CFAP97D2: variants seen among roughly 807,000 people sequenced by gnomAD.
CFAP97D2 encodes CFAP97 domain containing 2, also known as uncharacterized protein CFAP97D2.
At position 114,198,729 on chromosome 13, in the gene CFAP97D2, G is replaced by C. The variant is rs1465670244; in HGVS notation, c.172-1596G>C. On this transcript the variant is annotated intron_variant, in intron 2 of 4. Coordinates refer to ENST00000646158, the Ensembl canonical transcript of CFAP97D2. ...CGCTGAGGGGTGACGGCGCGTCCCCGTGTGTACAGTCCCCGCTGAGGGGTG... is the reference window on the plus strand; with the variant it reads ...CGCTGAGGGGTGACGGCGCGTCCCCCTGTGTACAGTCCCCGCTGAGGGGTG... Among the ~76,000 whole-genome samples, 12 of 75,680 alleles carry C rather than the reference G, an allele frequency of 1.6e-4. 3 individuals carry two copies. Among genetic ancestry groups the C allele is most frequent in the Non-Finnish European group, 6.8e-5 (3 of 43,800 alleles). The allele number at this position is 75,680 out of a possible 152,430, so 49.6% of individuals were successfully genotyped here.
chr13:114,179,347 G>A lies in CFAP97D2; in HGVS notation c.17G>A (p.Arg6Gln), dbSNP rs909950513. ...GTTGCTGAGATGCACGGAGCCCCCC[G>A]GCTGACCTTTCCCTGTGCCAGTGAG... The change falls in exon 1 of 5, where the codon CGG becomes CAG. Residue 6 changes from arginine to glutamine, a missense_variant. By Grantham distance (43) the Arg-to-Gln change is conservative. Coordinates refer to ENST00000646158, the Ensembl canonical transcript of CFAP97D2. The surrounding 1 kb of genome is among the most constrained non-coding windows in gnomAD (Gnocchi z 4.8). 6.5e-5 allele frequency: 26 copies of A among 398,686 alleles called. No homozygotes were observed. Among genetic ancestry groups the A allele is most frequent in the African/African-American group, 3.1e-4 (15 of 48,726 alleles). The allele number at this position is 398,686 out of a possible 1,614,324, so 24.7% of individuals were successfully genotyped here.
chr13:114,179,591 A>C lies in CFAP97D2; in HGVS notation c.90+171A>C, dbSNP rs1244616344. The stretch of plus-strand genomic sequence containing the variant: ...CATCATCTATGTTGCCATACAATAA[A>C]AATCTCATTAAATAGTTGACGGCTT... On this transcript the variant is annotated intron_variant, in intron 1 of 4. Transcript: ENST00000646158. This position sits in a 1 kb window ranked among gnomAD's most constrained non-coding sequence, Gnocchi z 4.8. Among the ~76,000 whole-genome samples the C allele has an allele frequency of 6.6e-6, 1 of 152,044 alleles. No homozygotes were observed. Among genetic ancestry groups the C allele is most frequent in the Non-Finnish European group, 1.5e-5 (1 of 68,014 alleles).
intron 3 of CFAP97D2, 148 bp downstream of exon 3, chr13:114,200,591 C>T (rs1280709714): frequency 1.0e-5 from 4 of 393,328 alleles, no homozygotes; most frequent in African/African-American, 2.1e-5. Context: ...CTGAGGAGTG[C>T]CCTTTTCCTT....
At chr13:114,196,347 C>T (rs192155945) in intron 1 of CFAP97D2, 49 bp from the exon 2 acceptor site, 1 of 399,394 alleles carries the variant, frequency 2.5e-6, no homozygotes, top group Non-Finnish European at 4.4e-6. Flanking sequence ...TCTGAGCTCA[C>T]TCTGTTTCCA....
rs1302849295 is a variant in CFAP97D2, at chr13:114,187,055, A to T, written c.90+7635A>T. On this transcript the variant is annotated intron_variant, in intron 1 of 4. Transcript: ENST00000646158. This position sits in a 1 kb window ranked among gnomAD's most constrained non-coding sequence, Gnocchi z 4.2. ...GGAACAGGAGAGAGGTATTCAGATT[A>T]TTTTGTAATATAAGTTACTCACACT... Among the ~76,000 whole-genome samples, 6 of 152,246 alleles carry T rather than the reference A, an allele frequency of 3.9e-5. No individual in the cohort carries two copies. In the East Asian group the frequency reaches 1.2e-3, roughly 29 times the overall value.
intron 4 of CFAP97D2, among the ~76,000 whole-genome samples, chr13:114,213,010 A>T (rs2080974985): frequency 6.6e-6 from 1 of 152,242 alleles, no homozygotes; most frequent in South Asian, 2.1e-4. Flanking sequence ...ATTTTATTCA[A>T]ATTGACAAAA....
chr13:114,180,649 C>G (rs563353819), intron 1 of CFAP97D2, among the ~76,000 whole-genome samples: 1 of 152,268 alleles, frequency 6.6e-6, no homozygotes, highest in African/African-American at 2.4e-5. Flanking sequence ...GTTCTCTGCA[C>G]GTAGAGTGTG....
At chr13:114,194,284 A>T (rs1326651485) in intron 1 of CFAP97D2, among the ~76,000 whole-genome samples, 1 of 152,192 alleles carries the variant, frequency 6.6e-6, no homozygotes, top group Non-Finnish European at 1.5e-5. Context: ...TCAAGATACC[A>T]CCTGTGGTTT....
chr13:114,207,509 C>T lies in CFAP97D2; in HGVS notation c.291-4403C>T, dbSNP rs905373849. On this transcript the variant is annotated intron_variant, in intron 3 of 4. Transcript: ENST00000646158. The surrounding 1 kb of genome is among the most constrained non-coding windows in gnomAD (Gnocchi z 4.9). ...TAAGGAACACGCAGCTTAGATCTCT[C>T]GAACGTGCAGTTCACAATAGGGTTC... Among the ~76,000 whole-genome samples the T allele has an allele frequency of 2.6e-5, 4 of 152,062 alleles. No individual in the cohort carries two copies. The highest frequency in any genetic ancestry group is 6.6e-5 in the Admixed American group (1 of 15,264).
rs2080945816 is a variant in CFAP97D2 at position 114,207,386 on chromosome 13, G to T, written c.291-4526G>T. ...TAATTATACAACTCAACATCATGTA[G>T]AATCAGTGGGAGCCCTGAGTTTGTT... is the stretch of plus-strand genomic sequence containing the variant. On this transcript the variant is annotated intron_variant, in intron 3 of 4. Coordinates refer to ENST00000646158, the Ensembl canonical transcript of CFAP97D2. The surrounding 1 kb of genome is among the most constrained non-coding windows in gnomAD (Gnocchi z 4.9). Among the ~76,000 whole-genome samples, 1 of 152,142 alleles carries T rather than the reference G, an allele frequency of 6.6e-6. No homozygotes were observed. The highest frequency in any genetic ancestry group is 2.4e-5 in the African/African-American group (1 of 41,412).
intron 4 of CFAP97D2, among the ~76,000 whole-genome samples, chr13:114,219,028 G>A (rs1045662439): frequency 6.6e-6 from 1 of 152,114 alleles, no homozygotes; most frequent in Non-Finnish European, 1.5e-5. Flanking sequence ...TTGACAAATG[G>A]GATCTAATTA....
intron 3 of CFAP97D2, among the ~76,000 whole-genome samples, chr13:114,208,909 G>T (rs775292462): frequency 6.6e-6 from 1 of 152,098 alleles, no homozygotes; most frequent in African/African-American, 2.4e-5. Flanking sequence ...TCTCCCTGCC[G>T]CCTCCAATAT....
At chr13:114,194,485 T>C (rs573745651) in intron 1 of CFAP97D2, among the ~76,000 whole-genome samples, 1 of 152,294 alleles carries the variant, frequency 6.6e-6, no homozygotes, top group African/African-American at 2.4e-5. Flanking sequence ...AGTGGCAATA[T>C]AGGCCTTTTT....
intron 4 of CFAP97D2, among the ~76,000 whole-genome samples, chr13:114,220,584 A>G (rs946632396): frequency 4.6e-5 from 7 of 152,258 alleles, no homozygotes; most frequent in Admixed American, 4.6e-4. Flanking sequence ...ATATAAGATT[A>G]TCCAACAAAA....
intron 1 of CFAP97D2, among the ~76,000 whole-genome samples, chr13:114,180,483 C>T (rs1287695056): frequency 6.6e-6 from 1 of 152,170 alleles, no homozygotes; most frequent in Non-Finnish European, 1.5e-5. Context: ...CCTGGCACTC[C>T]GGTTCCAATA....
intron 2 of CFAP97D2, among the ~76,000 whole-genome samples, chr13:114,197,026 G>T (rs77610904): frequency 9.2e-5 from 14 of 152,298 alleles, no homozygotes; most frequent in Middle Eastern, 3.4e-3. Flanking sequence ...TTAAGACAAG[G>T]GGTTGTGGAG....
At chr13:114,183,615 G>A (rs1374378242) in intron 1 of CFAP97D2, among the ~76,000 whole-genome samples, 1 of 152,130 alleles carries the variant, frequency 6.6e-6, no homozygotes, top group Admixed American at 6.5e-5. Context: ...CTCATATGGT[G>A]AAAGGAACAA....
chr13:114,192,096 A>G (rs1425361094), intron 1 of CFAP97D2, among the ~76,000 whole-genome samples: 2 of 152,134 alleles, frequency 1.3e-5, no homozygotes, highest in African/African-American at 4.8e-5. Flanking sequence ...GAAGAGCTGG[A>G]GCACAGAGGA....
At chr13:114,181,384 A>G (rs1199781187) in intron 1 of CFAP97D2, among the ~76,000 whole-genome samples, 1 of 152,050 alleles carries the variant, frequency 6.6e-6, no homozygotes, top group Non-Finnish European at 1.5e-5. Flanking sequence ...AGGACATGAA[A>G]CCTGGCAAAG....
Sources: allele counts gnomAD v4.1 joint callset (sites outside exome capture counted in the v4.1 genomes callset), GRCh38; gene constraint gnomAD v4.1.1; non-coding constraint Gnocchi (gnomAD v3.1); transcripts MANE v1.5; gene names NCBI Gene and HGNC (gene_info 2026-07-23, HGNC 2026-07-21).